The following CSMD1 variants were observed in gnomAD, a reference collection of about 807,000 sequenced individuals.
The protein encoded by CSMD1 is CUB and Sushi multiple domains 1.
CSMD1 carries 213 observed loss-of-function variants against 417.5 expected under a neutral mutation model. The observed-to-expected ratio is 0.51, with a 90% CI of 0.46 to 0.57. The LOEUF (loss-of-function observed/expected upper bound fraction) is 0.57. CSMD1 is among the 20% of genes least tolerant of loss of function. CSMD1 has a pLI of 0.00. For missense variants in CSMD1, 6,923 were observed against 4,529.7 expected, an observed-to-expected ratio of 1.53 and a Z score of -15.17; for synonymous variants, 2,862 against 1,736.8, an observed-to-expected ratio of 1.65 and a Z score of -16.11.
At position 3,242,309 on chromosome 8, in the gene CSMD1, A is replaced by G. The variant is rs1266235556; in HGVS notation, c.4154-12078T>C. ...GCCTGGGGAGGAAGGGAGAGGTCAG[A>G]TGGGGCTGTAGAAAAGGAAGACTAG... On this transcript the variant is annotated intron_variant, in intron 26 of 69. Transcript: ENST00000635120. Among the ~76,000 whole-genome samples the G allele has an allele frequency of 2.7e-5, 4 of 150,030 alleles. No individual in the cohort carries two copies. In the South Asian group the frequency reaches 6.4e-4, roughly 24 times the overall value.
intron 1 of CSMD1, among the ~76,000 whole-genome samples, chr8:4,967,754 C>A (rs555895295): frequency 6.6e-6 from 1 of 152,214 alleles, no homozygotes; most frequent in Non-Finnish European, 1.5e-5. Flanking sequence ...TAATGAACTT[C>A]TTGTGTCATG....
intron 5 of CSMD1, among the ~76,000 whole-genome samples, chr8:3,904,163 T>C (rs1387030199): frequency 2.0e-5 from 3 of 152,204 alleles, no homozygotes; most frequent in Non-Finnish European, 1.5e-5. Flanking sequence ...TTCACTTTGC[T>C]ACAATACATG....
intron 3 of CSMD1, among the ~76,000 whole-genome samples, chr8:4,226,207 C>G (rs1168598198): frequency 6.6e-6 from 1 of 152,074 alleles, no homozygotes; most frequent in Non-Finnish European, 1.5e-5. Context: ...ACTAACCACT[C>G]TTTACCTTGA....
chr8:3,966,440 C>T (rs909285432), intron 5 of CSMD1, among the ~76,000 whole-genome samples: 3 of 151,920 alleles, frequency 2.0e-5, no homozygotes, highest in Non-Finnish European at 2.9e-5. Context: ...ATATAATTAC[C>T]TACATATATT....
Position 3,406,354 on chromosome 8 carries a change from T to C in CSMD1, c.2072-133A>G, listed in dbSNP as rs1349850928. ...TATAATTATATAAATTTCAGTTGTA[T>C]CATTCATAGATAGATAATACATTAA... On this transcript the variant is annotated intron_variant, in intron 14 of 69. Coordinates refer to ENST00000635120, the MANE Select transcript of CSMD1 (RefSeq NM_033225.6). 16 of 629,678 alleles carry C rather than the reference T, an allele frequency of 2.5e-5. 1 individual carries two copies. Among genetic ancestry groups the C allele is most frequent in the Non-Finnish European group, 3.9e-5 (16 of 411,096 alleles). 39.0% of individuals were successfully genotyped at this position (629,678 alleles called of 1,614,324 possible).
At chr8:3,342,766 C>G (rs2117609008) in intron 23 of CSMD1, among the ~76,000 whole-genome samples, 1 of 152,238 alleles carries the variant, frequency 6.6e-6, no homozygotes, top group East Asian at 1.9e-4. Context: ...GGCAAGTATT[C>G]AAAGTATTCC....
intron 3 of CSMD1, among the ~76,000 whole-genome samples, chr8:4,182,126 A>G (rs1194236863): frequency 6.6e-6 from 1 of 152,164 alleles, no homozygotes; most frequent in African/African-American, 2.4e-5. Context: ...AAACACACCA[A>G]AAGAAGACAG....
intron 3 of CSMD1, among the ~76,000 whole-genome samples, chr8:4,220,159 C>G (rs902056593): frequency 1.3e-5 from 2 of 152,128 alleles, no homozygotes; most frequent in African/African-American, 2.4e-5. Flanking sequence ...CCATGTCGGC[C>G]AAGCTCGTCT....
In CSMD1 at chr8:3,752,541, C is replaced by G. The variant is rs539230480; in HGVS notation, c.931+1389G>C. Among the ~76,000 whole-genome samples, 6 of 151,932 alleles carry G rather than the reference C, an allele frequency of 3.9e-5. 1 individual carries two copies. The South Asian group carries it at 1.2e-3, about 32-fold the overall frequency. On this transcript the variant is annotated intron_variant, in intron 6 of 69. Transcript: ENST00000635120. Reference sequence around the variant, plus strand: ...TGGTGGTCTGCACCTGTATTCCCAGCTACTCGGGAGCCTGAGACAGGAGAA... The same window carrying G: ...TGGTGGTCTGCACCTGTATTCCCAGGTACTCGGGAGCCTGAGACAGGAGAA...
chr8:4,607,914 C>T lies in CSMD1; in HGVS notation c.302+29428G>A, dbSNP rs141657514. ...CTTACTGTGGTGTCAAGAGCTTGGA[C>T]ACTGGCTAGTGTTGAGGTCTCACTG... On this transcript the variant is annotated intron_variant, in intron 2 of 69. Coordinates refer to ENST00000635120, the MANE Select transcript of CSMD1 (RefSeq NM_033225.6). Among the ~76,000 whole-genome samples, 342 of 152,272 alleles carry T rather than the reference C, an allele frequency of 2.2e-3. 1 individual carries two copies. Among genetic ancestry groups the T allele is most frequent in the African/African-American group, 7.8e-3 (323 of 41,552 alleles).
At chr8:4,677,341 T>C (rs1000038257) in intron 1 of CSMD1, among the ~76,000 whole-genome samples, 2 of 147,250 alleles carry the variant, frequency 1.4e-5, no homozygotes, top group Non-Finnish European at 1.5e-5. Context: ...ATTATAAACA[T>C]GTGCTACCTA....
At chr8:3,595,617 C>T (rs1253413081) in intron 8 of CSMD1, among the ~76,000 whole-genome samples, 1 of 152,132 alleles carries the variant, frequency 6.6e-6, no homozygotes, top group African/African-American at 2.4e-5. Flanking sequence ...GTATAAGCAA[C>T]AGTAAGCTTG....
At chr8:4,528,757 T>C (rs1037397168) in intron 2 of CSMD1, among the ~76,000 whole-genome samples, 2 of 150,108 alleles carry the variant, frequency 1.3e-5, no homozygotes, top group African/African-American at 2.5e-5. Flanking sequence ...AGAATGCTGC[T>C]GAATTTTCAC....
At chr8:3,494,588 ATAGATAG>A (rs1175538052) in intron 10 of CSMD1, among the ~76,000 whole-genome samples, 3 of 151,932 alleles carry the variant, frequency 2.0e-5, no homozygotes, top group Non-Finnish European at 4.4e-5. Context: ...AGATAGATAG[ATAGATAG>A]ATAGATAGAT....
chr8:3,816,989 G>A (rs1801404136), intron 5 of CSMD1, among the ~76,000 whole-genome samples: 1 of 152,040 alleles, frequency 6.6e-6, no homozygotes, highest in Admixed American at 6.6e-5. Context: ...AAACAGGTTC[G>A]AACAATGCTT....
chr8:3,542,367 G>C (rs745712579), intron 10 of CSMD1, among the ~76,000 whole-genome samples: 142 of 152,200 alleles, frequency 9.3e-4, no homozygotes, highest in East Asian at 1.2e-3. Flanking sequence ...TAGGTAATTA[G>C]TTATTTTATT....
At chr8:4,063,940 C>G (rs1303914703) in intron 3 of CSMD1, among the ~76,000 whole-genome samples, 3 of 152,080 alleles carry the variant, frequency 2.0e-5, no homozygotes, top group Non-Finnish European at 4.4e-5. Flanking sequence ...ATCCAGATTT[C>G]ATTAAATCAT....
In CSMD1 at chr8:3,162,296, A is replaced by T; in HGVS notation, c.5726-19T>A. 6.9e-7 allele frequency: 1 copy of T among 1,457,048 alleles called. No homozygotes were observed. The highest frequency in any genetic ancestry group is 9.5e-7 in the Non-Finnish European group (1 of 1,049,422). The allele number at this position is 1,457,048 out of a possible 1,614,324, so 90.3% of individuals were successfully genotyped here. ...CCTACAGCTAGAAATGCAAAGACAA[A>T]TGCTAGAAATTATATGATGTAAACA... On this transcript the variant is annotated intron_variant, in intron 37 of 69. Coordinates refer to ENST00000635120, the MANE Select transcript of CSMD1 (RefSeq NM_033225.6).
intron 1 of CSMD1, among the ~76,000 whole-genome samples, chr8:4,886,996 A>G (rs1167970286): frequency 6.6e-6 from 1 of 151,912 alleles, no homozygotes; most frequent in Admixed American, 6.6e-5. Flanking sequence ...CAACTCTTAT[A>G]TATTTCCTTC....
Sources: gnomAD v4.1 joint callset for allele counts (sites outside exome capture counted in the v4.1 genomes callset) on GRCh38, gnomAD v4.1.1 for gene constraint, MANE v1.5 for transcripts, NCBI Gene and HGNC (gene_info 2026-07-23, HGNC 2026-07-21) for gene names.